MEI4: variants seen among roughly 807,000 people sequenced by gnomAD.
MEI4 encodes meiosis-specific protein MEI4.
MEI4 carries 27 observed loss-of-function variants against 31.4 expected under a neutral mutation model. The observed-to-expected ratio is 0.86, with a 90% CI of 0.63 to 1.19. The LOEUF (loss-of-function observed/expected upper bound fraction) is 1.19. Among genes scored for constraint, MEI4 ranks in the 50% most tolerant of loss-of-function variants. MEI4 has a pLI of 0.00. For missense variants in MEI4, 329 were observed against 398.9 expected, an observed-to-expected ratio of 0.82 and a Z score of 1.49; for synonymous variants, 122 against 145.4, an observed-to-expected ratio of 0.84 and a Z score of 1.16.
At chr6:77,788,583 A>C (rs7744548) in intron 3 of MEI4, among the ~76,000 whole-genome samples, 81,859 of 150,610 alleles carry the variant, frequency 0.54, 24,213 homozygotes, top group African/African-American at 0.78. Flanking sequence ...ATGTGCAAAA[A>C]TCACAAGCAT....
chr6:77,728,769 G>C (rs1766892449), intron 2 of MEI4, among the ~76,000 whole-genome samples: 1 of 152,188 alleles, frequency 6.6e-6, no homozygotes, highest in Non-Finnish European at 1.5e-5. Context: ...CTGTGGAGCA[G>C]AGCAAGTAAG....
intron 3 of MEI4, among the ~76,000 whole-genome samples, chr6:77,786,093 TA>T (rs1466966591): frequency 1.3e-4 from 20 of 152,136 alleles, no homozygotes; most frequent in African/African-American, 4.3e-4. Context: ...AAAATTAAAA[TA>T]AAAAAATTAT....
At chr6:77,835,999 A>G (rs1770210918) in intron 4 of MEI4, among the ~76,000 whole-genome samples, 1 of 152,164 alleles carries the variant, frequency 6.6e-6, no homozygotes, top group African/African-American at 2.4e-5. Context: ...CAAATTATAA[A>G]TACAAAACAT....
chr6:77,844,693 A>G (rs139038288), intron 4 of MEI4, among the ~76,000 whole-genome samples: 3 of 152,156 alleles, frequency 2.0e-5, no homozygotes, highest in African/African-American at 7.2e-5. Context: ...TTAATGTTGT[A>G]TTTATAACAG....
Position 77,923,318 on chromosome 6 carries a change from C to T in MEI4, c.1130C>T (p.Ser377Leu), listed in dbSNP as rs889870371. The T allele has an allele frequency of 8.9e-6, 11 of 1,229,842 alleles. No homozygotes were observed. In the African/African-American group the frequency reaches 1.6e-4, roughly 17 times the overall value. 76.2% of individuals were successfully genotyped at this position (1,229,842 alleles called of 1,614,324 possible). A position where few individuals can be genotyped will look rare whatever the true frequency, so the allele number is the denominator to read the frequency against. Residue 377 changes from serine to leucine, a missense_variant, in exon 5 of 5, where the codon TCA (serine) becomes TTA (leucine). Ser to Leu is a moderately radical substitution (Grantham distance 145, BLOSUM62 -2). Transcript: ENST00000684080. ...TGGAGAGTGGGCATTCTTTTGAGCT[C>T]AGCACAGATAGAAACTCTTAGAAAA... Reference protein sequence around the residue: ...YLWRVGILLSSAQIETLRK With the variant: ...YLWRVGILLSLAQIETLRK
In MEI4 at chr6:77,692,873, G is replaced by T. The variant is rs111554249; in HGVS notation, c.232+1970G>T. On this transcript the variant is annotated intron_variant, in intron 2 of 4. Coordinates refer to ENST00000684080, the MANE Select transcript of MEI4 (RefSeq NM_001322247.2). ...AAGTATGGTCAGAGAGGATGAGCATGCTAGAACTACAGACACAGACTTAGG... is the reference window on the plus strand; with the variant it reads ...AAGTATGGTCAGAGAGGATGAGCATTCTAGAACTACAGACACAGACTTAGG... 5.2e-3 allele frequency among the ~76,000 whole-genome samples: 791 copies of T among 152,150 alleles called. 7 individuals carry two copies. The highest frequency in any genetic ancestry group is 0.019 in the African/African-American group (773 of 41,528).
At chr6:77,861,165 G>A (rs772568024) in intron 4 of MEI4, among the ~76,000 whole-genome samples, 27 of 152,200 alleles carry the variant, frequency 1.8e-4, no homozygotes, top group Non-Finnish European at 2.9e-4. Flanking sequence ...CCATTTGTAT[G>A]TCTTGTTCCA....
At chr6:77,909,486 CA>C (rs896535208) in intron 4 of MEI4, among the ~76,000 whole-genome samples, 1 of 152,104 alleles carries the variant, frequency 6.6e-6, no homozygotes, top group Non-Finnish European at 1.5e-5. Flanking sequence ...TCAGCACATA[CA>C]CCCTCCCAAG....
intron 3 of MEI4, among the ~76,000 whole-genome samples, chr6:77,764,185 G>C (rs567064116): frequency 6.6e-6 from 1 of 151,908 alleles, no homozygotes; most frequent in African/African-American, 2.4e-5. Context: ...TGTTTCTTTC[G>C]ATTCAGTTTT....
chr6:77,914,279 T>A (rs1238331383), intron 4 of MEI4, among the ~76,000 whole-genome samples: 1 of 151,996 alleles, frequency 6.6e-6, no homozygotes, highest in Non-Finnish European at 1.5e-5. Context: ...TCCCATGTTT[T>A]GATATGTTGC....
intron 2 of MEI4, among the ~76,000 whole-genome samples, chr6:77,702,245 A>G (rs982388015): frequency 5.9e-5 from 9 of 152,186 alleles, no homozygotes; most frequent in African/African-American, 2.2e-4. Flanking sequence ...CTGAGGAAAC[A>G]TTGCAAATAA....
In MEI4 at chr6:77,859,635, T is replaced by G. The variant is rs538681004; in HGVS notation, c.900+30573T>G. On this transcript the variant is annotated intron_variant, in intron 4 of 4. Transcript: ENST00000684080. ...ATGAGCAGTGATGTTGAGCTTTTTT[T>G]CATATGTTTTTTGGCCGCATAAATG... 5.9e-5 allele frequency among the ~76,000 whole-genome samples: 9 copies of G among 152,326 alleles called. No individual in the cohort carries two copies. The South Asian group carries it at 1.5e-3, about 25-fold the overall frequency.
intron 2 of MEI4, among the ~76,000 whole-genome samples, chr6:77,749,770 A>G (rs952992742): frequency 1.3e-5 from 2 of 152,256 alleles, no homozygotes; most frequent in East Asian, 1.9e-4. Flanking sequence ...TACAGAGAAC[A>G]CCACAAAGAT....
chr6:77,797,539 A>G lies in MEI4; in HGVS notation c.769-31392A>G, dbSNP rs1005213657. Among the ~76,000 whole-genome samples the G allele has an allele frequency of 2.9e-4, 44 of 152,120 alleles. 2 individuals carry two copies. Among genetic ancestry groups the G allele is most frequent in the Non-Finnish European group, 1.5e-5 (1 of 68,018 alleles). ...ACTCAGTGTGAGTCTAAAAGCCTCA[A>G]AAGTAGGGAAGCCAACAGCCTTCAG... is the stretch of plus-strand genomic sequence containing the variant. On this transcript the variant is annotated intron_variant, in intron 3 of 4. Coordinates refer to ENST00000684080, the MANE Select transcript of MEI4 (RefSeq NM_001322247.2).
chr6:77,797,463 A>T (rs149321648), intron 3 of MEI4, among the ~76,000 whole-genome samples: 1 of 152,148 alleles, frequency 6.6e-6, no homozygotes, highest in Admixed American at 6.6e-5. Flanking sequence ...TCATAAGGCA[A>T]AGTCCCATGG....
At chr6:77,739,574 G>A (rs1001372952) in intron 2 of MEI4, among the ~76,000 whole-genome samples, 3 of 152,024 alleles carry the variant, frequency 2.0e-5, no homozygotes, top group African/African-American at 7.3e-5. Context: ...CCTGTCAGGG[G>A]GTGGGGAGCA....
At chr6:77,743,677 C>G (rs1395836402) in intron 2 of MEI4, among the ~76,000 whole-genome samples, 1 of 150,938 alleles carries the variant, frequency 6.6e-6, no homozygotes, top group Non-Finnish European at 1.5e-5. Context: ...AAGTGGGTCC[C>G]TGACCCCTGA....
intron 3 of MEI4, among the ~76,000 whole-genome samples, chr6:77,806,876 T>G (rs1769453809): frequency 6.6e-6 from 1 of 152,178 alleles, no homozygotes; most frequent in East Asian, 1.9e-4. Flanking sequence ...CCCATGTGTT[T>G]ATGTGTTGTC....
intron 4 of MEI4, among the ~76,000 whole-genome samples, chr6:77,917,806 C>T (rs1766598270): frequency 6.6e-6 from 1 of 150,658 alleles, no homozygotes. Flanking sequence ...CTTTTCTTGC[C>T]ATTGCTTTTG....
Sources: allele counts gnomAD v4.1 joint callset (sites outside exome capture counted in the v4.1 genomes callset), GRCh38; gene constraint gnomAD v4.1.1; transcripts MANE v1.5; gene names NCBI Gene and HGNC (gene_info 2026-07-23, HGNC 2026-07-21).